The following RASSF4 variants were observed in gnomAD, a reference collection of about 807,000 sequenced individuals.
RASSF4 encodes the protein ras association domain-containing protein 4.
A neutral mutation model predicts 41.1 loss-of-function variants in RASSF4; 38 were observed. The ratio of observed to expected loss-of-function variants is 0.92; its 90% confidence interval spans 0.71 to 1.21. RASSF4 has a LOEUF of 1.21. Among genes scored for constraint, RASSF4 ranks in the 50% most tolerant of loss-of-function variants. The pLI is 0.00. For synonymous variants in RASSF4, 179 were observed against 163.4 expected (o/e 1.10, Z -0.73); for missense variants, 414 against 419.4 (o/e 0.99, Z 0.11).
chr10:44,982,690 C>A (rs1276139479), intron 4 of RASSF4, 27 bp downstream of exon 4: 10 of 1,605,710 alleles, frequency 6.2e-6, no homozygotes, highest in Middle Eastern at 3.7e-4. Flanking sequence ...TTCTGTGACA[C>A]CTGCTCAGCC....
At chr10:44,982,455 C>A in intron 3 of RASSF4, 66 bp from the exon 4 acceptor site, 1 of 1,589,834 alleles carries the variant, frequency 6.3e-7, no homozygotes, top group South Asian at 1.1e-5. Flanking sequence ...AGCATCCCAT[C>A]CCTAGGGGGC....
intron 5 of RASSF4, 53 bp downstream of exon 5, chr10:44,984,166 A>G: frequency 6.7e-7 from 1 of 1,494,764 alleles, no homozygotes; most frequent in South Asian, 1.3e-5. Context: ...GGGTAGGAGC[A>G]GAGGGGCTTG....
At chr10:44,974,502 A>G (rs970256951) in intron 3 of RASSF4, among the ~76,000 whole-genome samples, 3 of 152,226 alleles carry the variant, frequency 2.0e-5, no homozygotes, top group Admixed American at 1.3e-4. Context: ...ACCCAGTATC[A>G]GTGAACAGGT....
chr10:44,962,476 C>G (rs1165429070), intron 1 of RASSF4, among the ~76,000 whole-genome samples: 2 of 152,170 alleles, frequency 1.3e-5, no homozygotes, highest in African/African-American at 4.8e-5. Context: ...ATTCTGGGAC[C>G]CTTTTGTCTC....
chr10:44,982,281 C>T (rs1841740612), intron 3 of RASSF4: 3 of 557,404 alleles, frequency 5.4e-6, no homozygotes, highest in South Asian at 4.2e-5. Flanking sequence ...CTGACTCAGC[C>T]ACTGTGTTCT....
At chr10:44,989,577 T>C in intron 7 of RASSF4, 93 bp from the exon 8 acceptor site, 1 of 1,173,372 alleles carries the variant, frequency 8.5e-7, no homozygotes, top group Non-Finnish European at 1.3e-6. Flanking sequence ...CTTGCGTGTG[T>C]GTTACTGGGG....
Position 44,971,999 on chromosome 10 carries a change from T to G in RASSF4, c.138+151T>G, listed in dbSNP as rs882845. The G allele has an allele frequency of 2.1e-3, 1,274 of 603,176 alleles. 14 individuals are homozygous for G. In the African/African-American group the frequency reaches 0.021, roughly 10 times the overall value. 37.4% of individuals were successfully genotyped at this position (603,176 alleles called of 1,614,324 possible). A position where few individuals can be genotyped will look rare whatever the true frequency, so the allele number is the denominator to read the frequency against. ...TAAGTTATATGGTCACTCTCATCAC[T>G]CACCTCTGACCCTGAGCCAGGGACC... is the stretch of plus-strand genomic sequence containing the variant. On this transcript the variant is annotated intron_variant, in intron 3 of 10. Coordinates refer to ENST00000340258, the MANE Select transcript of RASSF4 (RefSeq NM_032023.4).
intron 3 of RASSF4, among the ~76,000 whole-genome samples, chr10:44,980,456 G>A (rs1196845953): frequency 6.6e-6 from 1 of 152,200 alleles, no homozygotes; most frequent in Non-Finnish European, 1.5e-5. Flanking sequence ...AGGGTGAACA[G>A]TGGGCGGCTA....
Position 44,985,185 on chromosome 10 carries a change from TG to T in RASSF4, c.531+217del, listed in dbSNP as rs1204778584. The stretch of plus-strand genomic sequence containing the variant: ...CATCCTCACAAGTCACACAGAATTC[TG>T]GCAAGTAAGCTGGGGATGCCCTGGG... On this transcript the variant is annotated intron_variant, in intron 6 of 10. Transcript: ENST00000340258. Among the ~76,000 whole-genome samples, 4 of 152,350 alleles carry T rather than the reference TG, an allele frequency of 2.6e-5. No individual in the cohort carries two copies. In the East Asian group the frequency reaches 7.7e-4, roughly 29 times the overall value.
At position 44,990,970 on chromosome 10, in the gene RASSF4, C is replaced by G. The variant is rs780841684; in HGVS notation, c.708C>G (p.Cys236Trp). The change falls in exon 9 of 11, where the codon TGC becomes TGG. Residue 236 changes from cysteine (C) to tryptophan (W), a missense_variant. Cys to Trp is a radical substitution (Grantham distance 215, BLOSUM62 -2). Transcript: ENST00000340258. Reference protein sequence around the residue: ...ESGERTKLKDCEYPLISRILH... With the variant: ...ESGERTKLKDWEYPLISRILH... ...CAGAGCGGACAAAATTAAAAGACTGCGAGTACCCGCTGATTTCCAGAATCC... is the reference window on the plus strand; with the variant it reads ...CAGAGCGGACAAAATTAAAAGACTGGGAGTACCCGCTGATTTCCAGAATCC... 8.1e-6 allele frequency: 13 copies of G among 1,613,188 alleles called. No individual in the cohort carries two copies. Among genetic ancestry groups the G allele is most frequent in the Non-Finnish European group, 1.1e-5 (13 of 1,179,302 alleles).
In RASSF4 at chr10:44,984,937, G is replaced by C; in HGVS notation, c.498G>C (p.Arg166=). Residue 166 remains arginine, a synonymous_variant, in exon 6 of 11, where the codon CGG becomes CGC. Transcript: ENST00000340258. The part of the protein sequence containing the change: ...PGEAQRIRRH[R]FSINGHFYNH... ...AGGCCCAGCGCATCCGGCGACACCG[G>C]TTCTCTATCAACGGCCACTTCTACA... 1.2e-6 allele frequency: 2 copies of C among 1,613,180 alleles called. No individual in the cohort carries two copies. Among genetic ancestry groups the C allele is most frequent in the South Asian group, 2.2e-5 (2 of 91,074 alleles).
At chr10:44,969,157 C>A (rs1463567864) in intron 1 of RASSF4, among the ~76,000 whole-genome samples, 1 of 151,360 alleles carries the variant, frequency 6.6e-6, no homozygotes, top group Non-Finnish European at 1.5e-5. Context: ...GCTTTACCTC[C>A]CTGCCTAGCA....
chr10:44,983,163 A>G, intron 4 of RASSF4: 2 of 355,530 alleles, frequency 5.6e-6, no homozygotes, highest in South Asian at 4.4e-5. Flanking sequence ...TTCAATGCAC[A>G]TTTATCTCCT....
Position 44,970,366 on chromosome 10 carries a change from G to T in RASSF4, c.62+102G>T, listed in dbSNP as rs1484301478. 5 of 933,268 alleles carry T rather than the reference G, an allele frequency of 5.4e-6. No individual in the cohort carries two copies. In the African/African-American group the frequency reaches 8.1e-5, roughly 15 times the overall value. The allele number at this position is 933,268 out of a possible 1,614,324, so 57.8% of individuals were successfully genotyped here. A position where few individuals can be genotyped will look rare whatever the true frequency, so the allele number is the denominator to read the frequency against. On this transcript the variant is annotated intron_variant, in intron 2 of 10. Coordinates refer to ENST00000340258, the MANE Select transcript of RASSF4 (RefSeq NM_032023.4). ...GAGGGGTTCTGAGCACTTGTTCAGA[G>T]ATCTGATGGGGTGCCCTGGGGGACA... is the stretch of plus-strand genomic sequence containing the variant.
At chr10:44,982,695 T>C (rs769201858) in intron 4 of RASSF4, 32 bp downstream of exon 4, 207 of 1,605,210 alleles carry the variant, frequency 1.3e-4, no homozygotes, top group Non-Finnish European at 1.7e-4. Context: ...TGACACCTGC[T>C]CAGCCTGAGC....
chr10:44,992,315 G>A (rs553457212), intron 10 of RASSF4, among the ~76,000 whole-genome samples: 5 of 152,362 alleles, frequency 3.3e-5, no homozygotes, highest in East Asian at 1.9e-4. Context: ...CCAAGTGGGC[G>A]CTGGGTCAAG....
Position 44,989,314 on chromosome 10 carries a change from T to C in RASSF4, c.572T>C (p.Val191Ala), listed in dbSNP as rs756198277. ...FTPAYGSVTN[V>A]RVNSTMTTLQ... ...CCAGCCTATGGATCCGTGACCAATG[T>C]GAGGGTCAACAGCACCATGACAACC... Residue 191 changes from valine (V) to alanine (A), a missense_variant, in exon 7 of 11, where the codon GTG becomes GCG. Transcript: ENST00000340258. 5 of 1,613,994 alleles carry C rather than the reference T, an allele frequency of 3.1e-6. No homozygotes were observed. The Admixed American group carries it at 6.7e-5, about 22-fold the overall frequency.
intron 6 of RASSF4, among the ~76,000 whole-genome samples, chr10:44,987,128 T>A (rs895222947): frequency 2.6e-5 from 4 of 152,196 alleles, no homozygotes; most frequent in African/African-American, 9.7e-5. Context: ...TTATTTGAGA[T>A]GGAGTCTCAC....
At position 44,984,043 on chromosome 10, in the gene RASSF4, C is replaced by G. The variant is rs377645482; in HGVS notation, c.303C>G (p.Asn101Lys). 1.2e-6 allele frequency: 2 copies of G among 1,603,904 alleles called. No homozygotes were observed. Among genetic ancestry groups the G allele is most frequent in the East Asian group, 2.2e-5 (1 of 44,520 alleles). Residue 101 changes from asparagine to lysine, a missense_variant, in exon 5 of 11, where the codon AAC becomes AAG. By Grantham distance (94) the Asn-to-Lys change is moderately conservative. Coordinates refer to ENST00000340258, the MANE Select transcript of RASSF4 (RefSeq NM_032023.4). ...TCAGAAAGGAGCCATCGCCCCAGAACGGGAACATCACAGCCCAGGGGCCAA... is the reference window on the plus strand; with the variant it reads ...TCAGAAAGGAGCCATCGCCCCAGAAGGGGAACATCACAGCCCAGGGGCCAA... ...SCPLKEPSPQ[N>K]GNITAQGPSI...
Sources: allele counts gnomAD v4.1 joint callset (sites outside exome capture counted in the v4.1 genomes callset), GRCh38; gene constraint gnomAD v4.1.1; transcripts MANE v1.5; gene names NCBI Gene and HGNC (gene_info 2026-07-23, HGNC 2026-07-21).